Variants in ME1 observed in about 807,000 individuals in gnomAD.
ME1 encodes the protein malic enzyme 1.
A neutral mutation model predicts 66.4 loss-of-function variants in ME1; 74 were observed. The ratio of observed to expected loss-of-function variants is 1.11; its 90% CI spans 0.92 to 1.35. The LOEUF (loss-of-function observed/expected upper bound fraction) is 1.35. Ranked by LOEUF, ME1 falls within the 40% of genes most tolerant of loss-of-function variation. ME1 has a pLI of 0.00. For missense variants in ME1, 750 were observed against 694.1 expected, an observed-to-expected ratio of 1.08 and a Z score of -0.90; for synonymous variants, 251 against 235.6, an observed-to-expected ratio of 1.07 and a Z score of -0.60.
intron 1 of ME1, among the ~76,000 whole-genome samples, chr6:83,413,465 G>A (rs1180072437): frequency 1.3e-5 from 2 of 151,774 alleles, no homozygotes; most frequent in Non-Finnish European, 2.9e-5. Context: ...AAATAATATA[G>A]TAGATCTATC....
At chr6:83,429,246 G>C (rs1770434224) in intron 1 of ME1, among the ~76,000 whole-genome samples, 1 of 152,034 alleles carries the variant, frequency 6.6e-6, no homozygotes, top group Non-Finnish European at 1.5e-5. Context: ...CTGGGCGACA[G>C]AGCGCGACTC....
intron 2 of ME1, among the ~76,000 whole-genome samples, chr6:83,399,162 T>C (rs1769798148): frequency 6.6e-6 from 1 of 151,108 alleles, no homozygotes; most frequent in African/African-American, 2.4e-5. Flanking sequence ...GCCCGGCTAA[T>C]TTTTTTTGTA....
intron 5 of ME1, among the ~76,000 whole-genome samples, chr6:83,334,210 C>T (rs563563012): frequency 1.3e-5 from 2 of 149,860 alleles, no homozygotes; most frequent in African/African-American, 4.9e-5. Flanking sequence ...GTGACGGACG[C>T]ACCTGGAAAA....
intron 4 of ME1, among the ~76,000 whole-genome samples, chr6:83,347,103 G>C (rs570957655): frequency 6.6e-6 from 1 of 151,876 alleles, no homozygotes; most frequent in Non-Finnish European, 1.5e-5. Context: ...ACAGGCGCCC[G>C]CCACCACGCC....
At chr6:83,412,971 T>C (rs1011435934) in intron 1 of ME1, among the ~76,000 whole-genome samples, 1 of 152,230 alleles carries the variant, frequency 6.6e-6, no homozygotes, top group African/African-American at 2.4e-5. Context: ...AATTTCATTA[T>C]ATTGAATTTT....
intron 6 of ME1, among the ~76,000 whole-genome samples, chr6:83,266,400 C>T (rs1766990157): frequency 6.6e-6 from 1 of 152,178 alleles, no homozygotes; most frequent in South Asian, 2.1e-4. Flanking sequence ...CTGGCACAAT[C>T]ATCTGGAATA....
chr6:83,268,728 G>GTTGTTA (rs764379892), intron 6 of ME1, among the ~76,000 whole-genome samples: 2 of 143,772 alleles, frequency 1.4e-5, no homozygotes, highest in East Asian at 4.1e-4. Context: ...ACCATGCCCC[G>GTTGTTA]TTATTATTAT....
At chr6:83,226,629 A>G (rs1245877718) in intron 11 of ME1, among the ~76,000 whole-genome samples, 1 of 152,162 alleles carries the variant, frequency 6.6e-6, no homozygotes, top group Non-Finnish European at 1.5e-5. Flanking sequence ...ATTAAAATAG[A>G]GCCATTAAGT....
At chr6:83,398,574 A>AAATATTTTCAT in intron 2 of ME1, 58 bp from the exon 3 acceptor site, 3 of 858,698 alleles carry the variant, frequency 3.5e-6, no homozygotes, top group Non-Finnish European at 5.4e-6. Context: ...ATAGCTACTT[A>AAATATTTTCAT]GAAATCTAAT....
intron 6 of ME1, among the ~76,000 whole-genome samples, chr6:83,282,930 T>C (rs1767325299): frequency 6.6e-6 from 1 of 151,966 alleles, no homozygotes; most frequent in African/African-American, 2.4e-5. Flanking sequence ...TATGCAGCCA[T>C]AAAAAATGAT....
intron 3 of ME1, among the ~76,000 whole-genome samples, chr6:83,360,196 G>A (rs1401569461): frequency 2.0e-5 from 3 of 152,194 alleles, no homozygotes; most frequent in Admixed American, 1.3e-4. Context: ...AGATCCCCTG[G>A]AGGAAGGACC....
chr6:83,230,191 T>A (rs1790276456), intron 9 of ME1, among the ~76,000 whole-genome samples: 1 of 151,974 alleles, frequency 6.6e-6, no homozygotes, highest in African/African-American at 2.4e-5. Context: ...TCTTTTTTTT[T>A]TGAGACAGAG....
At chr6:83,224,699 A>T (rs1278363375) in intron 11 of ME1, among the ~76,000 whole-genome samples, 1 of 105,572 alleles carries the variant, frequency 9.5e-6, no homozygotes, top group African/African-American at 4.5e-5. Context: ...AAAAAAAAAT[A>T]AAAATAATAA....
chr6:83,272,238 C>A (rs1447418609), intron 6 of ME1, among the ~76,000 whole-genome samples: 3 of 152,040 alleles, frequency 2.0e-5, no homozygotes, highest in African/African-American at 4.8e-5. Context: ...ACCAAATAAA[C>A]AAATCTATAA....
rs145767102 is a variant in ME1, at chr6:83,397,423, G to A, written c.362+944C>T. Among the ~76,000 whole-genome samples, 719 of 152,234 alleles carry A rather than the reference G, an allele frequency of 4.7e-3. 3 individuals carry two copies. The highest frequency in any genetic ancestry group is 0.016 in the African/African-American group (659 of 41,540). On this transcript the variant is annotated intron_variant, in intron 3 of 13. Transcript: ENST00000369705. ...CAGAAATCGAAATTAAAAGCACAGT[G>A]AGATATCACCTCACACTTGTTAGAA...
intron 5 of ME1, among the ~76,000 whole-genome samples, chr6:83,324,944 G>A (rs1033960955): frequency 1.2e-4 from 19 of 152,006 alleles, no homozygotes; most frequent in African/African-American, 3.4e-4. Flanking sequence ...TATCTCTGAC[G>A]AACATTGACA....
chr6:83,365,333 A>G (rs1769083508), intron 3 of ME1, among the ~76,000 whole-genome samples: 1 of 151,968 alleles, frequency 6.6e-6, no homozygotes, highest in African/African-American at 2.4e-5. Flanking sequence ...AGCTCAGGTG[A>G]TCCACCTTTC....
At chr6:83,229,231 C>A in intron 9 of ME1, 1 of 454,862 alleles carries the variant, frequency 2.2e-6, no homozygotes, top group Non-Finnish European at 4.2e-6. Context: ...AACAAATGGC[C>A]ATGCAAAATA....
At chr6:83,232,948 G>A (rs373508313) in intron 9 of ME1, among the ~76,000 whole-genome samples, 4 of 151,910 alleles carry the variant, frequency 2.6e-5, no homozygotes, top group East Asian at 1.9e-4. Flanking sequence ...AAATAAAAAC[G>A]AAATTCAAAC....
Sources: gnomAD v4.1 joint callset for allele counts (sites outside exome capture counted in the v4.1 genomes callset) on GRCh38, gnomAD v4.1.1 for gene constraint, MANE v1.5 for transcripts, NCBI Gene and HGNC (gene_info 2026-07-23, HGNC 2026-07-21) for gene names.